MYO16: variants seen among roughly 807,000 people sequenced by gnomAD.
The protein encoded by MYO16 is unconventional myosin-XVI.
In MYO16, 94 loss-of-function variants were observed where a neutral mutation model predicts 205.3. The observed-to-expected ratio is 0.46, with a 90% CI of 0.39 to 0.54. The LOEUF is 0.54. MYO16 is among the 20% of genes least tolerant of loss of function. The probability of loss-of-function intolerance (pLI) is 0.00; values close to 1 mark genes in which losing one functional copy is unlikely to be tolerated. For synonymous variants in MYO16, 988 were observed against 954.0 expected (o/e 1.04, Z -0.66); for missense variants, 2,315 against 2,387.5 (o/e 0.97, Z 0.63).
intron 24 of MYO16, chr13:109,048,356 CA>C: frequency 1.3e-6 from 1 of 754,576 alleles, no homozygotes; most frequent in Non-Finnish European, 2.5e-6. Context: ...TGCTTCTGAG[CA>C]AAAGGACAGA....
At chr13:108,616,733 A>T (rs1879362924) in intron 1 of MYO16, among the ~76,000 whole-genome samples, 1 of 152,176 alleles carries the variant, frequency 6.6e-6, no homozygotes, top group South Asian at 2.1e-4. Context: ...GTTAGAATCC[A>T]TCAGTAAGTC....
chr13:108,776,212 G>A (rs1418557003), intron 4 of MYO16, among the ~76,000 whole-genome samples: 3 of 152,156 alleles, frequency 2.0e-5, no homozygotes, highest in Non-Finnish European at 4.4e-5. Flanking sequence ...ACAGGGCATG[G>A]GAAGAATCTG....
At chr13:108,543,113 C>A in the MYO16 span, among the ~76,000 whole-genome samples, 1 of 151,846 alleles carries the variant, frequency 6.6e-6, no homozygotes, top group Non-Finnish European at 1.5e-5. Flanking sequence ...ACAAGTCTTT[C>A]GCTAAAGAAA....
At position 108,631,770 on chromosome 13, in the gene MYO16, G is replaced by T. The variant is rs148433545; in HGVS notation, c.28+1898G>T. Among the ~76,000 whole-genome samples the T allele has an allele frequency of 5.0e-3, 765 of 152,224 alleles. 6 individuals carry two copies. The highest frequency in any genetic ancestry group is 0.017 in the Middle Eastern group (5 of 294). On this transcript the variant is annotated intron_variant, in intron 1 of 34. Coordinates refer to ENST00000457511, the MANE Select transcript of MYO16 (RefSeq NM_001198950.3). ...AAAAATGCATCTTGAGCTATATCTTGGAAGGATGAACAAAATATAGAAGAA... is the reference window on the plus strand; with the variant it reads ...AAAAATGCATCTTGAGCTATATCTTTGAAGGATGAACAAAATATAGAAGAA...
intron 34 of MYO16, 31 bp from the exon 35 acceptor site, chr13:109,206,578 C>T (rs1409489540): frequency 6.6e-7 from 1 of 1,523,884 alleles, no homozygotes; most frequent in South Asian, 1.1e-5. Flanking sequence ...TTTGGTGCTA[C>T]CTGTTTTTTC....
chr13:108,695,883 A>C (rs898591719), intron 2 of MYO16, among the ~76,000 whole-genome samples: 1 of 152,208 alleles, frequency 6.6e-6, no homozygotes, highest in Non-Finnish European at 1.5e-5. Context: ...ACAGTTGAAA[A>C]CTAATGTGAT....
Position 109,164,891 on chromosome 13 carries a change from T to G in MYO16, c.5165-10T>G. 2.0e-6 allele frequency: 3 copies of G among 1,532,112 alleles called. No homozygotes were observed. Among genetic ancestry groups the G allele is most frequent in the Non-Finnish European group, 2.6e-6 (3 of 1,133,910 alleles). The allele number at this position is 1,532,112 out of a possible 1,614,324, so 94.9% of individuals were successfully genotyped here. A position where few individuals can be genotyped will look rare whatever the true frequency, so the allele number is the denominator to read the frequency against. On this transcript the variant is annotated splice_polypyrimidine_tract_variant and intron_variant, in intron 32 of 34. Transcript: ENST00000457511. ...CAGAAAATAATTATGTTTTCTAAAATTTATTTTAGGTTTTGAAACTAACAT... is the reference window on the plus strand; with the variant it reads ...CAGAAAATAATTATGTTTTCTAAAAGTTATTTTAGGTTTTGAAACTAACAT...
chr13:108,693,022 C>A (rs1882958887), intron 2 of MYO16, among the ~76,000 whole-genome samples: 2 of 152,118 alleles, frequency 1.3e-5, no homozygotes, highest in African/African-American at 4.8e-5. Context: ...GATAAGAAGG[C>A]TTAATTATCC....
chr13:108,705,534 T>G (rs1022089491), intron 2 of MYO16, among the ~76,000 whole-genome samples: 1 of 152,216 alleles, frequency 6.6e-6, no homozygotes, highest in African/African-American at 2.4e-5. Flanking sequence ...ATTGTTCTAT[T>G]GTATTATTGT....
the MYO16 span, among the ~76,000 whole-genome samples, chr13:108,578,249 G>A: frequency 6.6e-6 from 1 of 152,194 alleles, no homozygotes; most frequent in African/African-American, 2.4e-5. Context: ...TCTGTGTAGG[G>A]TTTTCCCATG....
intron 9 of MYO16, among the ~76,000 whole-genome samples, chr13:108,839,420 AT>A (rs796719781): frequency 1.6e-4 from 24 of 151,360 alleles, no homozygotes; most frequent in East Asian, 7.8e-4. Flanking sequence ...TTTCATAGTA[AT>A]TTTTTTTTCA....
intron 32 of MYO16, among the ~76,000 whole-genome samples, chr13:109,148,321 A>G (rs1566533219): frequency 6.6e-6 from 1 of 152,176 alleles, no homozygotes; most frequent in African/African-American, 2.4e-5. Context: ...CGCTTTCTCT[A>G]TATAAATGCC....
intron 28 of MYO16, among the ~76,000 whole-genome samples, chr13:109,106,999 A>T (rs157010): frequency 0.012 from 1,822 of 152,268 alleles, 41 homozygotes; most frequent in African/African-American, 0.041. Flanking sequence ...AGACACACAG[A>T]TCCTTCTGGT....
At chr13:108,565,227 G>A in the MYO16 span, among the ~76,000 whole-genome samples, 54 of 152,138 alleles carry the variant, frequency 3.5e-4, no homozygotes, top group Non-Finnish European at 6.8e-4. Flanking sequence ...AATGTCATTG[G>A]TATTTTGACA....
intron 21 of MYO16, among the ~76,000 whole-genome samples, chr13:109,005,474 G>A (rs1885358167): frequency 6.6e-6 from 1 of 151,944 alleles, no homozygotes; most frequent in Non-Finnish European, 1.5e-5. Context: ...TTTTAATATG[G>A]TTATTACTTT....
chr13:108,637,652 A>T (rs559113262), intron 1 of MYO16, among the ~76,000 whole-genome samples: 1 of 152,246 alleles, frequency 6.6e-6, no homozygotes, highest in East Asian at 1.9e-4. Context: ...AGGCGGGCAG[A>T]TCACTTGAGG....
At chr13:108,675,866 G>A (rs538278738) in intron 2 of MYO16, among the ~76,000 whole-genome samples, 42 of 152,288 alleles carry the variant, frequency 2.8e-4, no homozygotes, top group African/African-American at 4.1e-4. Context: ...TCTGTACTCT[G>A]ATACTTAAGA....
rs149103858 is a variant in MYO16, at chr13:108,882,107, A to G, written c.1426-952A>G. On this transcript the variant is annotated intron_variant, in intron 12 of 34. Transcript: ENST00000457511. ...ACTAATAGCAGATCCCTGAGCATCA[A>G]GCATTTTAAAATACTTTTCTGGCAT... is the stretch of plus-strand genomic sequence containing the variant. Among the ~76,000 whole-genome samples the G allele has an allele frequency of 2.2e-4, 34 of 152,318 alleles. No homozygotes were observed. The East Asian group carries it at 5.4e-3, about 24-fold the overall frequency.
At chr13:108,934,842 G>A (rs1882409975) in intron 16 of MYO16, among the ~76,000 whole-genome samples, 2 of 151,952 alleles carry the variant, frequency 1.3e-5, no homozygotes, top group African/African-American at 4.8e-5. Flanking sequence ...TCTGAATATG[G>A]CTAGATAGCT....
Sources: gnomAD v4.1 joint callset for allele counts (sites outside exome capture counted in the v4.1 genomes callset) on GRCh38, gnomAD v4.1.1 for gene constraint, MANE v1.5 for transcripts, NCBI Gene and HGNC (gene_info 2026-07-23, HGNC 2026-07-21) for gene names.